The following PTPRN2 variants were observed in gnomAD, a reference collection of about 807,000 sequenced individuals.
The protein encoded by PTPRN2 is protein tyrosine phosphatase receptor type N2, also known as receptor-type tyrosine-protein phosphatase N2.
A neutral mutation model predicts 118.8 loss-of-function variants in PTPRN2; 74 were observed. The ratio of observed to expected loss-of-function variants is 0.62; its 90% CI spans 0.52 to 0.76. The LOEUF is 0.76. Ranked by LOEUF, PTPRN2 falls within the 30% of genes least tolerant of loss-of-function variation. The pLI is 0.00. For synonymous variants in PTPRN2, 641 were observed against 608.0 expected, an observed-to-expected ratio of 1.05 and a Z score of -0.80; for missense variants, 1,481 against 1,394.4, an observed-to-expected ratio of 1.06 and a Z score of -0.99.
At chr7:158,308,217 A>G (rs566040796) in intron 3 of PTPRN2, among the ~76,000 whole-genome samples, 2 of 152,340 alleles carry the variant, frequency 1.3e-5, no homozygotes, top group Non-Finnish European at 2.9e-5. Context: ...GTCCTAAAAG[A>G]AAAAAGTCTA....
chr7:158,238,804 C>T (rs1169730281), intron 3 of PTPRN2, among the ~76,000 whole-genome samples: 2 of 152,118 alleles, frequency 1.3e-5, no homozygotes, highest in African/African-American at 4.8e-5. Flanking sequence ...AAGGAGGACT[C>T]CCCTGCAAGT....
chr7:158,342,442 G>A (rs1401475547), intron 2 of PTPRN2, among the ~76,000 whole-genome samples: 2 of 114,450 alleles, frequency 1.7e-5, no homozygotes, highest in African/African-American at 7.1e-5. Flanking sequence ...ACCTGCAGAC[G>A]TCACTCACAC....
intron 5 of PTPRN2, among the ~76,000 whole-genome samples, chr7:158,169,690 T>C (rs144789571): frequency 5.1e-4 from 78 of 152,162 alleles, no homozygotes; most frequent in African/African-American, 1.8e-3. Context: ...ACATTATCTC[T>C]AAGATTTTTT....
intron 2 of PTPRN2, among the ~76,000 whole-genome samples, chr7:158,329,163 TACTGAGGAGC>T (rs1439873947): frequency 6.6e-6 from 1 of 152,150 alleles, no homozygotes; most frequent in East Asian, 1.9e-4. Flanking sequence ...GAGCCGGCAG[TACTGAGGAGC>T]CCAGCAGACA....
At chr7:157,562,238 C>T (rs926157785) in intron 21 of PTPRN2, among the ~76,000 whole-genome samples, 3 of 152,216 alleles carry the variant, frequency 2.0e-5, no homozygotes, top group Non-Finnish European at 4.4e-5. Flanking sequence ...TCTAAAGCAT[C>T]TTACTGACTG....
chr7:157,877,543 G>A (rs987632291), intron 12 of PTPRN2, among the ~76,000 whole-genome samples: 23 of 152,164 alleles, frequency 1.5e-4, no homozygotes, highest in Non-Finnish European at 2.5e-4. Flanking sequence ...GGGATCCCAG[G>A]TCCGAGTGCC....
In PTPRN2 at chr7:157,992,206, G is replaced by A. The variant is rs146874203; in HGVS notation, c.1723+89092C>T. ...GTAAATGAAAAGCAGAATCATTGCT[G>A]TGAGAAGGCCACCCTAAAGGTGAGT... On this transcript the variant is annotated intron_variant, in intron 11 of 22. Coordinates refer to ENST00000389418, the MANE Select transcript of PTPRN2 (RefSeq NM_002847.5). Among the ~76,000 whole-genome samples the A allele has an allele frequency of 4.3e-3, 655 of 152,380 alleles. 5 individuals are homozygous for A. Among genetic ancestry groups the A allele is most frequent in the African/African-American group, 0.015 (624 of 41,592 alleles).
At chr7:158,205,315 ATTTAGCCAAAGCTCTTGC>A (rs1323131617) in intron 3 of PTPRN2, 42 bp from the exon 4 acceptor site, 2 of 1,446,588 alleles carry the variant, frequency 1.4e-6, no homozygotes, top group Non-Finnish European at 9.7e-7. Context: ...CATTTTGGAA[ATTTAGCCAAAGCTCTTGC>A]TTCAGTCTCA....
intron 11 of PTPRN2, among the ~76,000 whole-genome samples, chr7:157,934,671 G>A (rs1054590351): frequency 1.3e-5 from 2 of 152,194 alleles, no homozygotes; most frequent in African/African-American, 2.4e-5. Flanking sequence ...CAAAGCATCC[G>A]GCCTTGGACC....
intron 11 of PTPRN2, among the ~76,000 whole-genome samples, chr7:157,911,047 G>A (rs1798076906): frequency 6.6e-6 from 1 of 152,228 alleles, no homozygotes; most frequent in Admixed American, 6.5e-5. Context: ...TGCTGGAAGT[G>A]GGCTGTTCAT....
Position 157,610,290 on chromosome 7 carries a change from C to T in PTPRN2, c.2345-6215G>A, listed in dbSNP as rs1224963129. Among the ~76,000 whole-genome samples, 3 of 152,216 alleles carry T rather than the reference C, an allele frequency of 2.0e-5. No individual in the cohort carries two copies. The highest frequency in any genetic ancestry group is 4.4e-5 in the Non-Finnish European group (3 of 68,044). On this transcript the variant is annotated intron_variant, in intron 15 of 22. Coordinates refer to ENST00000389418, the MANE Select transcript of PTPRN2 (RefSeq NM_002847.5). The surrounding 1 kb of genome is among the most constrained non-coding windows in gnomAD (Gnocchi z 5.1). ...GAACTCGGCAATGGGGTTCCTTCCA[C>T]TCAGGGGTCTCAGGTGTTCTCTCGG...
chr7:158,122,652 C>A (rs1183223425), intron 9 of PTPRN2, among the ~76,000 whole-genome samples: 3 of 152,184 alleles, frequency 2.0e-5, no homozygotes, highest in Admixed American at 2.0e-4. Context: ...TCAGCAGACC[C>A]CTGAGGAACA....
chr7:158,435,787 C>T (rs949792442), intron 2 of PTPRN2, among the ~76,000 whole-genome samples: 4 of 152,110 alleles, frequency 2.6e-5, no homozygotes, highest in Admixed American at 6.6e-5. Flanking sequence ...ATAGATGAAC[C>T]TGGAAGACAT....
chr7:158,097,060 A>C (rs1014335545), intron 10 of PTPRN2, among the ~76,000 whole-genome samples: 2 of 152,018 alleles, frequency 1.3e-5, no homozygotes, highest in Non-Finnish European at 2.9e-5. Flanking sequence ...GACCATTCTC[A>C]CCCCTCACAG....
Position 157,540,658 on chromosome 7 carries a change from G to T in PTPRN2, c.*56C>A. ...AGACACACAATTAAAGTCAGATCAT[G>T]ATTCCTGACAACATCCGTGGGGTGG... On this transcript the variant is annotated 3_prime_UTR_variant, in exon 23 of 23. Coordinates refer to ENST00000389418, the MANE Select transcript of PTPRN2 (RefSeq NM_002847.5). 1 of 1,395,170 alleles carries T rather than the reference G, an allele frequency of 7.2e-7. No homozygotes were observed. Among genetic ancestry groups the T allele is most frequent in the Non-Finnish European group, 9.9e-7 (1 of 1,008,958 alleles). 86.4% of individuals were successfully genotyped at this position (1,395,170 alleles called of 1,614,324 possible).
chr7:158,192,398 C>A lies in PTPRN2; in HGVS notation c.478G>T (p.Ala160Ser). ...TCTGAGGCTGGGGCCTGGGACAGGG[C>A]CTCCAGGAAGGGCAGGTGGCGTCGG... ...ALRRHLPFLEALSQAPASDVL... is the reference protein window; with the variant it reads ...ALRRHLPFLESLSQAPASDVL... Residue 160 changes from alanine (A) to serine (S), a missense_variant, in exon 5 of 23, where the codon GCC (alanine) becomes TCC (serine). Transcript: ENST00000389418. The A allele has an allele frequency of 6.5e-7, 1 of 1,533,280 alleles. No individual in the cohort carries two copies. Among genetic ancestry groups the A allele is most frequent in the Non-Finnish European group, 8.7e-7 (1 of 1,151,160 alleles). The allele number at this position is 1,533,280 out of a possible 1,614,324, so 95.0% of individuals were successfully genotyped here. A position where few individuals can be genotyped will look rare whatever the true frequency, so the allele number is the denominator to read the frequency against.
At chr7:158,162,132 TGGC>T (rs1268551796) in intron 6 of PTPRN2, among the ~76,000 whole-genome samples, 6 of 152,166 alleles carry the variant, frequency 3.9e-5, no homozygotes, top group Non-Finnish European at 7.3e-5. Context: ...TCACCACTGG[TGGC>T]ACGCAGAATG....
chr7:158,167,806 A>T (rs1029669936), intron 5 of PTPRN2, among the ~76,000 whole-genome samples: 2 of 152,194 alleles, frequency 1.3e-5, no homozygotes, highest in Non-Finnish European at 2.9e-5. Context: ...CCTCAGGTGC[A>T]CCCATGCTGA....
chr7:158,339,835 A>T (rs1262740455), intron 2 of PTPRN2, among the ~76,000 whole-genome samples: 1 of 108,716 alleles, frequency 9.2e-6, no homozygotes, highest in African/African-American at 3.4e-5. Flanking sequence ...CCACACTCTC[A>T]CCATAAGAAG....
Sources: allele counts gnomAD v4.1 joint callset (sites outside exome capture counted in the v4.1 genomes callset), GRCh38; gene constraint gnomAD v4.1.1; non-coding constraint Gnocchi (gnomAD v3.1); transcripts MANE v1.5; gene names NCBI Gene and HGNC (gene_info 2026-07-23, HGNC 2026-07-21).